WFDC8: variants seen among roughly 807,000 people sequenced by gnomAD.
The protein encoded by WFDC8 is WAP four-disulfide core domain protein 8.
In WFDC8, 24 loss-of-function variants were observed where a neutral mutation model predicts 27.0. That is an observed-to-expected ratio of 0.89 (90% CI 0.64 to 1.25). The LOEUF (loss-of-function observed/expected upper bound fraction) is 1.25. WFDC8 is among the 50% of genes most tolerant of loss of function. The pLI, the probability that WFDC8 is intolerant of heterozygous loss-of-function variation, is 0.00. For synonymous variants in WFDC8, 106 were observed against 99.7 expected, an observed-to-expected ratio of 1.06 and a Z score of -0.38; for missense variants, 287 against 295.9, an observed-to-expected ratio of 0.97 and a Z score of 0.22.
intron 3 of WFDC8, among the ~76,000 whole-genome samples, chr20:45,556,428 C>T (rs1285632402): frequency 7.8e-6 from 1 of 127,634 alleles, no homozygotes; most frequent in Admixed American, 7.8e-5. Flanking sequence ...GGTCGTAAAG[C>T]AGCAGAGACA....
intron 1 of WFDC8, among the ~76,000 whole-genome samples, chr20:45,577,439 G>A (rs1378010247): frequency 2.0e-5 from 3 of 149,208 alleles, no homozygotes; most frequent in African/African-American, 7.4e-5. Flanking sequence ...TCACTCTGTC[G>A]CCAGGCTAGA....
At chr20:45,568,801 A>G in intron 1 of WFDC8, 1 of 415,384 alleles carries the variant, frequency 2.4e-6, no homozygotes, top group Non-Finnish European at 4.9e-6. Context: ...TCTTCACACA[A>G]AGACATAATA....
chr20:45,570,618 C>T (rs1980834059), intron 1 of WFDC8, among the ~76,000 whole-genome samples: 1 of 152,082 alleles, frequency 6.6e-6, no homozygotes, highest in South Asian at 2.1e-4. Context: ...CCCATACAAA[C>T]ATTCGTATAG....
intron 2 of WFDC8, among the ~76,000 whole-genome samples, chr20:45,560,592 C>T (rs6032320): frequency 1.3e-5 from 2 of 152,128 alleles, no homozygotes; most frequent in Non-Finnish European, 2.9e-5. Flanking sequence ...ATGGAAAGAA[C>T]TCTATTTATC....
intron 1 of WFDC8, among the ~76,000 whole-genome samples, chr20:45,566,594 C>T (rs1346720065): frequency 2.0e-5 from 3 of 152,048 alleles, no homozygotes; most frequent in Admixed American, 6.5e-5. Flanking sequence ...ACTTGGGAGG[C>T]TGAGGTTGCA....
At chr20:45,565,146 A>G (rs1410967635) in intron 1 of WFDC8, among the ~76,000 whole-genome samples, 2 of 151,126 alleles carry the variant, frequency 1.3e-5, no homozygotes, top group East Asian at 3.9e-4. Flanking sequence ...GGAAAAAGGG[A>G]GGGAGGGAAG....
intron 5 of WFDC8, 100 bp downstream of exon 5, chr20:45,553,036 A>G: frequency 7.0e-7 from 1 of 1,433,262 alleles, no homozygotes. Flanking sequence ...GATGAGCCCA[A>G]GGAGCATCTG....
intron 1 of WFDC8, among the ~76,000 whole-genome samples, chr20:45,574,455 C>CCA (rs1568642587): frequency 7.9e-6 from 1 of 126,248 alleles, no homozygotes; most frequent in Admixed American, 9.3e-5. Context: ...CAAAAATTCT[C>CCA]AAAAAAAAAA....
intron 3 of WFDC8, 80 bp downstream of exon 3, chr20:45,558,772 G>A (rs1980358696): frequency 6.4e-7 from 1 of 1,564,326 alleles, no homozygotes; most frequent in Non-Finnish European, 8.7e-7. Flanking sequence ...TCCTTGTCCT[G>A]CCATCCAAGG....
rs1306428932 is a variant in WFDC8, at chr20:45,555,865, G to T, written c.281C>A (p.Pro94His). The T allele has an allele frequency of 6.2e-7, 1 of 1,613,568 alleles. No homozygotes were observed. Among genetic ancestry groups the T allele is most frequent in the East Asian group, 2.2e-5 (1 of 44,886 alleles). The change falls in exon 4 of 6, where the codon CCC becomes CAC. Residue 94 changes from proline to histidine, a missense_variant. Pro to His is a moderately conservative substitution (Grantham distance 77). Coordinates refer to ENST00000289953, the MANE Select transcript of WFDC8 (RefSeq NM_130896.3). ...TCCATGCCTCACAGGTAGCATGCAGGGTTCTGAGGTCAGGAAGCAAGGAAA... is the reference window on the plus strand; with the variant it reads ...TCCATGCCTCACAGGTAGCATGCAGTGTTCTGAGGTCAGGAAGCAAGGAAA... Reference protein sequence around the residue: ...QKKCMDPFQEPCMLPVRHGNC... With the variant: ...QKKCMDPFQEHCMLPVRHGNC...
intron 1 of WFDC8, among the ~76,000 whole-genome samples, chr20:45,566,355 C>A (rs1407515274): frequency 6.6e-6 from 1 of 152,054 alleles, no homozygotes; most frequent in African/African-American, 2.4e-5. Flanking sequence ...TTAATATAAT[C>A]TCTTGAGATC....
intron 2 of WFDC8, among the ~76,000 whole-genome samples, chr20:45,560,679 T>C (rs886373229): frequency 1.3e-5 from 2 of 152,206 alleles, no homozygotes; most frequent in Non-Finnish European, 2.9e-5. Context: ...TAGGGGCAAG[T>C]CTGGGACTTA....
intron 1 of WFDC8, among the ~76,000 whole-genome samples, chr20:45,570,244 TC>T (rs1387570100): frequency 6.6e-6 from 1 of 152,154 alleles, no homozygotes; most frequent in Non-Finnish European, 1.5e-5. Context: ...AAGATTATAT[TC>T]CATTATACTG....
intron 1 of WFDC8, chr20:45,568,634 C>T: frequency 1.9e-6 from 1 of 534,896 alleles, no homozygotes. Context: ...CAATATCTAG[C>T]CTTCCAGAAA....
At chr20:45,567,531 G>T (rs1016836963) in intron 1 of WFDC8, among the ~76,000 whole-genome samples, 8 of 152,150 alleles carry the variant, frequency 5.3e-5, no homozygotes, top group African/African-American at 1.9e-4. Context: ...AGAAACAGTG[G>T]TCTACTGAAA....
chr20:45,571,849 A>G (rs719997), intron 1 of WFDC8, among the ~76,000 whole-genome samples: 57,605 of 152,042 alleles, frequency 0.38, 11,404 homozygotes, highest in Non-Finnish European at 0.43. Flanking sequence ...CATTGTGTAT[A>G]TATACCACTT....
chr20:45,562,102 G>A lies in WFDC8; in HGVS notation c.136+8C>T. 1.2e-6 allele frequency: 2 copies of A among 1,612,690 alleles called. No homozygotes were observed. Among genetic ancestry groups the A allele is most frequent in the Non-Finnish European group, 1.7e-6 (2 of 1,178,862 alleles). ...AAGGAAGAATGGCTGCAGCTTTTTT[G>A]AACTCACGTTTGATCTTCTTGGTCA... is the stretch of plus-strand genomic sequence containing the variant. On this transcript the variant is annotated splice_region_variant and intron_variant, in intron 2 of 5. Transcript: ENST00000289953.
chr20:45,561,061 G>C (rs1980449959), intron 2 of WFDC8, among the ~76,000 whole-genome samples: 1 of 152,160 alleles, frequency 6.6e-6, no homozygotes, highest in Non-Finnish European at 1.5e-5. Context: ...AGTTGTTGTA[G>C]CTCCTTTCCC....
intron 3 of WFDC8, among the ~76,000 whole-genome samples, chr20:45,557,792 T>C (rs1980319728): frequency 1.3e-5 from 2 of 152,292 alleles, no homozygotes; most frequent in Admixed American, 1.3e-4. Context: ...AAAACCGCAA[T>C]TACTTTTGCA....
Sources: allele counts gnomAD v4.1 joint callset (sites outside exome capture counted in the v4.1 genomes callset), GRCh38; gene constraint gnomAD v4.1.1; transcripts MANE v1.5; gene names NCBI Gene and HGNC (gene_info 2026-07-23, HGNC 2026-07-21).